The following FGFR2 variants were observed in gnomAD, a reference collection of about 807,000 sequenced individuals.
FGFR2 encodes fibroblast growth factor receptor 2.
In FGFR2, 19 loss-of-function variants were observed where a neutral mutation model predicts 95.9. The ratio of observed to expected loss-of-function variants is 0.20; its 90% CI spans 0.14 to 0.29. FGFR2 has a LOEUF of 0.29. Among genes scored for constraint, FGFR2 ranks in the 10% least tolerant of loss-of-function variants. The probability of loss-of-function intolerance (pLI) is 1.00; values close to 1 mark genes in which losing one functional copy is unlikely to be tolerated. For synonymous variants in FGFR2, 392 were observed against 393.3 expected (o/e 1.00, Z 0.04); for missense variants, 707 against 1,056.9 (o/e 0.67, Z 4.59).
chr10:121,524,385 T>C (rs1851034692), intron 6 of FGFR2, among the ~76,000 whole-genome samples: 1 of 152,218 alleles, frequency 6.6e-6, no homozygotes, highest in Non-Finnish European at 1.5e-5. Context: ...GCCTTCAGTA[T>C]AAAATGAAAC....
intron 2 of FGFR2, among the ~76,000 whole-genome samples, chr10:121,570,110 C>T (rs552983322): frequency 3.0e-4 from 45 of 152,130 alleles, no homozygotes; most frequent in African/African-American, 1.1e-3. Flanking sequence ...ACACACGACA[C>T]ATATCAAAGA....
At position 121,518,949 on chromosome 10, in the gene FGFR2, A is replaced by T; in HGVS notation, c.939+1030T>A. The T allele has an allele frequency of 8.1e-7, 1 of 1,236,452 alleles. No individual in the cohort carries two copies. Among genetic ancestry groups the T allele is most frequent in the Non-Finnish European group, 1.2e-6 (1 of 853,684 alleles). The allele number at this position is 1,236,452 out of a possible 1,614,324, so 76.6% of individuals were successfully genotyped here. A position where few individuals can be genotyped will look rare whatever the true frequency, so the allele number is the denominator to read the frequency against. ...TCCATTACGTCTAAACAGCGGCATT[A>T]AAGGGCTGCGGATTTTAAAGAACAA... On this transcript the variant is annotated intron_variant, in intron 7 of 17. Transcript: ENST00000358487. This position sits in a 1 kb window ranked among gnomAD's most constrained non-coding sequence, Gnocchi z 4.0.
chr10:121,547,551 C>T (rs745464844), intron 5 of FGFR2, among the ~76,000 whole-genome samples: 1 of 151,870 alleles, frequency 6.6e-6, no homozygotes, highest in African/African-American at 2.4e-5. Flanking sequence ...AGCACTACTA[C>T]GCCCAGCTAA....
chr10:121,526,103 C>T (rs959274826), intron 6 of FGFR2: 4 of 398,294 alleles, frequency 1.0e-5, no homozygotes, highest in East Asian at 3.6e-5. Context: ...ATGTAAGGAG[C>T]GTGGATAACC....
intron 16 of FGFR2, among the ~76,000 whole-genome samples, chr10:121,484,004 A>T (rs1845097576): frequency 6.6e-6 from 1 of 151,988 alleles, no homozygotes; most frequent in Non-Finnish European, 1.5e-5. Context: ...GACTTACAAA[A>T]ACATGTTAGA....
rs1564875377 is a variant in FGFR2 at position 121,496,641 on chromosome 10, T to C, written c.1754A>G (p.Glu585Gly). ...AACACGGTTAATGTCATAGGAGTAC[T>C]CCATCCCGGGTGGCCTCCGGGCTCG... ...YLRARRPPGMEYSYDINRVPE... is the reference protein window; with the variant it reads ...YLRARRPPGMGYSYDINRVPE... The change falls in exon 13 of 18, where the codon GAG (glutamate) becomes GGG (glycine). Residue 585 changes from glutamate to glycine, a missense_variant. Physicochemically the swap from Glu to Gly is moderately conservative, Grantham distance 98. Around this residue, in one of 7 missense-constraint regions of FGFR2, gnomAD observed 37 missense variants for 34.1 expected, o/e 1.09. Coordinates refer to ENST00000358487, the MANE Select transcript of FGFR2 (RefSeq NM_000141.5). 6.2e-7 allele frequency: 1 copy of C among 1,611,882 alleles called. No homozygotes were observed. Among genetic ancestry groups the C allele is most frequent in the Non-Finnish European group, 8.5e-7 (1 of 1,179,832 alleles).
intron 6 of FGFR2, 76 bp from the exon 7 acceptor site, chr10:121,520,245 G>A: frequency 1.4e-6 from 2 of 1,453,330 alleles, no homozygotes; most frequent in South Asian, 1.3e-5. Context: ...GTTGTCCAGA[G>A]GGCTGTCAGT....
At position 121,518,688 on chromosome 10, in the gene FGFR2, G is replaced by A. The variant is rs1169814732; in HGVS notation, c.940-1225C>T. On this transcript the variant is annotated intron_variant, in intron 7 of 17. Coordinates refer to ENST00000358487, the MANE Select transcript of FGFR2 (RefSeq NM_000141.5). The surrounding 1 kb of genome is among the most constrained non-coding windows in gnomAD (Gnocchi z 4.0). ...AAAATGAAAGCATTGTTACCTTGCT[G>A]TTTTGGCAGGACAGTGAGCCAGGCA... is the stretch of plus-strand genomic sequence containing the variant. 1 of 1,614,078 alleles carries A rather than the reference G, an allele frequency of 6.2e-7. No homozygotes were observed. Among genetic ancestry groups the A allele is most frequent in the Non-Finnish European group, 8.5e-7 (1 of 1,180,048 alleles).
At chr10:121,540,570 T>G (rs1853568733) in intron 5 of FGFR2, among the ~76,000 whole-genome samples, 1 of 152,108 alleles carries the variant, frequency 6.6e-6, no homozygotes, top group African/African-American at 2.4e-5. Context: ...ATAAGCTCCT[T>G]GATTTTACTT....
intron 2 of FGFR2, among the ~76,000 whole-genome samples, chr10:121,571,952 AAT>A (rs1858844177): frequency 7.0e-6 from 1 of 143,856 alleles, no homozygotes; most frequent in African/African-American, 2.5e-5. Context: ...TCAAAAAAAA[AAT>A]AAAAAAAAAA....
At chr10:121,496,430 C>A (rs878954276) in intron 13 of FGFR2, 102 bp downstream of exon 13, 19 of 1,114,234 alleles carry the variant, frequency 1.7e-5, no homozygotes, top group African/African-American at 4.6e-5. Flanking sequence ...ACAAGACATG[C>A]GAGGGCTTGA....
chr10:121,495,265 A>G (rs1036150007), intron 13 of FGFR2, among the ~76,000 whole-genome samples: 1 of 152,230 alleles, frequency 6.6e-6, no homozygotes, highest in African/African-American at 2.4e-5. Flanking sequence ...AAGATCTGAA[A>G]AAGTCTTAAA....
At chr10:121,543,436 G>C (rs1412417476) in intron 5 of FGFR2, among the ~76,000 whole-genome samples, 2 of 152,132 alleles carry the variant, frequency 1.3e-5, no homozygotes, top group Non-Finnish European at 2.9e-5. Flanking sequence ...CTTGAACCCG[G>C]GAGACAGAGA....
chr10:121,559,111 G>GAAAAAAAAAA (rs904279035), intron 4 of FGFR2, among the ~76,000 whole-genome samples: 48 of 55,088 alleles, frequency 8.7e-4, no homozygotes, highest in Non-Finnish European at 1.0e-3. Context: ...TCCAAAAGGA[G>GAAAAAAAAAA]AAAAAAAAAA....
chr10:121,540,512 T>C (rs947731363), intron 5 of FGFR2, among the ~76,000 whole-genome samples: 5 of 152,148 alleles, frequency 3.3e-5, no homozygotes, highest in African/African-American at 1.2e-4. Context: ...CCTGGATCCC[T>C]GGGTGCTACA....
chr10:121,538,275 C>T, intron 6 of FGFR2: 1 of 746,156 alleles, frequency 1.3e-6, no homozygotes, highest in Non-Finnish European at 2.5e-6. Context: ...ACATCTGTAC[C>T]CTTTTCACCT....
intron 6 of FGFR2, chr10:121,527,086 G>A (rs750551911): frequency 1.1e-5 from 3 of 266,374 alleles, no homozygotes; most frequent in Admixed American, 5.4e-5. Context: ...GTGCTTGCTC[G>A]ATGAAGTGAA....
At chr10:121,525,594 C>T (rs938000418) in intron 6 of FGFR2, among the ~76,000 whole-genome samples, 1 of 149,648 alleles carries the variant, frequency 6.7e-6, no homozygotes, top group Non-Finnish European at 1.5e-5. Context: ...GAAAGCACAG[C>T]CTGCTTCCTT....
At chr10:121,577,063 A>G (rs1261820057) in intron 2 of FGFR2, among the ~76,000 whole-genome samples, 1 of 138,288 alleles carries the variant, frequency 7.2e-6, no homozygotes, top group African/African-American at 2.7e-5. Flanking sequence ...TGAACCTGGG[A>G]GGCGGAAGTT....
Sources: gnomAD v4.1 joint callset for allele counts (sites outside exome capture counted in the v4.1 genomes callset) on GRCh38, gnomAD v4.1.1 for gene constraint, gnomAD v4.1.1 regional missense constraint, Gnocchi (gnomAD v3.1) non-coding constraint, MANE v1.5 for transcripts, NCBI Gene and HGNC (gene_info 2026-07-23, HGNC 2026-07-21) for gene names.